The following FHIT variants were observed in gnomAD, a reference collection of about 807,000 sequenced individuals.
FHIT encodes fragile histidine triad diadenosine triphosphatase.
FHIT carries 19 observed loss-of-function variants against 17.9 expected under a neutral mutation model. The ratio of observed to expected loss-of-function variants is 1.06; its 90% confidence interval spans 0.74 to 1.56. The LOEUF is 1.56. Ranked by LOEUF, FHIT falls within the 40% of genes most tolerant of loss-of-function variation. FHIT has a pLI of 0.00. For synonymous variants in FHIT, 81 were observed against 69.7 expected (o/e 1.16, Z -0.81); for missense variants, 248 against 189.2 (o/e 1.31, Z -1.82).
At chr3:60,079,729 T>C (rs1703193997) in intron 5 of FHIT, among the ~76,000 whole-genome samples, 1 of 152,082 alleles carries the variant, frequency 6.6e-6, no homozygotes, top group Non-Finnish European at 1.5e-5. Context: ...CTGTCAAGTT[T>C]TAAGTTTTTC....
At chr3:60,131,951 C>T (rs983604573) in intron 5 of FHIT, among the ~76,000 whole-genome samples, 1 of 152,196 alleles carries the variant, frequency 6.6e-6, no homozygotes, top group African/African-American at 2.4e-5. Context: ...AAGCTCTCCA[C>T]ATCTATAAAG....
chr3:60,989,021 T>C (rs1437611543), intron 3 of FHIT, among the ~76,000 whole-genome samples: 2 of 144,914 alleles, frequency 1.4e-5, no homozygotes, highest in Non-Finnish European at 3.0e-5. Flanking sequence ...GTTTTTCTAC[T>C]GAAGTCTTTG....
At chr3:59,983,491 T>C (rs578160508) in intron 7 of FHIT, among the ~76,000 whole-genome samples, 1 of 152,268 alleles carries the variant, frequency 6.6e-6, no homozygotes, top group African/African-American at 2.4e-5. Flanking sequence ...TACTATTTTA[T>C]TAGTAGTAAT....
chr3:60,880,633 G>A (rs1283494906), intron 3 of FHIT, among the ~76,000 whole-genome samples: 1 of 152,220 alleles, frequency 6.6e-6, no homozygotes, highest in African/African-American at 2.4e-5. Context: ...TTGGGAGGCT[G>A]AGGCAGGAGA....
intron 5 of FHIT, among the ~76,000 whole-genome samples, chr3:60,201,807 C>A (rs77248647): frequency 1.5e-3 from 222 of 151,386 alleles, no homozygotes; most frequent in Middle Eastern, 3.4e-3. Context: ...CTCAAACATC[C>A]TAACTAGACC....
chr3:61,077,586 C>A (rs2035010744), intron 2 of FHIT, among the ~76,000 whole-genome samples: 1 of 152,078 alleles, frequency 6.6e-6, no homozygotes, highest in Non-Finnish European at 1.5e-5. Flanking sequence ...TTAGAAGAAT[C>A]CTAAGTGTTT....
At chr3:59,872,102 C>T (rs1702952087) in intron 8 of FHIT, among the ~76,000 whole-genome samples, 1 of 152,180 alleles carries the variant, frequency 6.6e-6, no homozygotes, top group Non-Finnish European at 1.5e-5. Flanking sequence ...CGTTGATGTA[C>T]TTTCCCTAAC....
intron 5 of FHIT, among the ~76,000 whole-genome samples, chr3:60,042,566 T>C: frequency 6.6e-6 from 1 of 152,092 alleles, no homozygotes; most frequent in East Asian, 1.9e-4. Context: ...CTTCCCTCTT[T>C]GCTTGTCTGT....
chr3:61,022,759 A>T (rs1251225546), intron 3 of FHIT, among the ~76,000 whole-genome samples: 1 of 152,236 alleles, frequency 6.6e-6, no homozygotes, highest in African/African-American at 2.4e-5. Flanking sequence ...GATTAACTCA[A>T]TAGATGCAGA....
At chr3:60,211,068 TA>T (rs10663373) in intron 5 of FHIT, among the ~76,000 whole-genome samples, 2,733 of 84,414 alleles carry the variant, frequency 0.032, 35 homozygotes, top group Middle Eastern at 0.13. Context: ...TATAAAACCG[TA>T]AAAAAAAAAA....
At chr3:60,785,558 G>C (rs1200625168) in intron 4 of FHIT, among the ~76,000 whole-genome samples, 3 of 152,094 alleles carry the variant, frequency 2.0e-5, no homozygotes, top group African/African-American at 7.2e-5. Flanking sequence ...AGTTGACCTT[G>C]GTGTCCTCTA....
intron 5 of FHIT, among the ~76,000 whole-genome samples, chr3:60,516,571 G>A (rs2035167189): frequency 6.6e-6 from 1 of 152,164 alleles, no homozygotes; most frequent in Non-Finnish European, 1.5e-5. Flanking sequence ...CTTAATAGCT[G>A]TTTGGTCTAG....
chr3:60,991,287 C>T (rs895497399), intron 3 of FHIT, among the ~76,000 whole-genome samples: 6 of 152,258 alleles, frequency 3.9e-5, no homozygotes, highest in Non-Finnish European at 5.9e-5. Flanking sequence ...TTCAATGACC[C>T]GAGGGCATTG....
chr3:61,015,838 G>GA (rs1256469552), intron 3 of FHIT, among the ~76,000 whole-genome samples: 1 of 151,958 alleles, frequency 6.6e-6, no homozygotes, highest in Non-Finnish European at 1.5e-5. Context: ...GAAAAGCAAG[G>GA]AAAAAAAGCC....
intron 5 of FHIT, among the ~76,000 whole-genome samples, chr3:60,075,063 C>A (rs1702944156): frequency 6.6e-6 from 1 of 152,054 alleles, no homozygotes; most frequent in Non-Finnish European, 1.5e-5. Flanking sequence ...TAAAATGTCA[C>A]CCTCTGGAAT....
At chr3:61,250,067 G>C (rs1397900290) in intron 1 of FHIT, among the ~76,000 whole-genome samples, 1 of 151,882 alleles carries the variant, frequency 6.6e-6, no homozygotes, top group Non-Finnish European at 1.5e-5. Flanking sequence ...AGCCATGAAC[G>C]CAGGTCCACA....
intron 5 of FHIT, among the ~76,000 whole-genome samples, chr3:60,492,627 C>T (rs970934410): frequency 2.6e-5 from 4 of 151,636 alleles, no homozygotes; most frequent in African/African-American, 9.7e-5. Flanking sequence ...CTGCCTCAGT[C>T]TCCCAAGTAA....
At chr3:60,357,022 G>A (rs935268467) in intron 5 of FHIT, among the ~76,000 whole-genome samples, 3 of 152,244 alleles carry the variant, frequency 2.0e-5, no homozygotes, top group African/African-American at 7.2e-5. Context: ...ACATTGTTGA[G>A]GAGAGCCATA....
intron 4 of FHIT, among the ~76,000 whole-genome samples, chr3:60,663,594 C>A (rs2040312759): frequency 6.6e-6 from 1 of 152,060 alleles, no homozygotes. Flanking sequence ...CACCACCATG[C>A]CCGGCTAATT....
Sources: gnomAD v4.1 joint callset for allele counts (sites outside exome capture counted in the v4.1 genomes callset) on GRCh38, gnomAD v4.1.1 for gene constraint, MANE v1.5 for transcripts, NCBI Gene and HGNC (gene_info 2026-07-23, HGNC 2026-07-21) for gene names.